Variants in TG observed in about 807,000 individuals in gnomAD.
TG encodes thyroid hormones.
In TG, 270 loss-of-function variants were observed where a neutral mutation model predicts 324.7. The observed-to-expected ratio is 0.83, with a 90% CI of 0.75 to 0.92. TG has a LOEUF of 0.92. Among genes scored for constraint, TG ranks in the 40% least tolerant of loss-of-function variants. TG has a pLI of 0.00. For missense variants in TG, 3,591 were observed against 3,456.4 expected, an observed-to-expected ratio of 1.04 and a Z score of -0.98; for synonymous variants, 1,401 against 1,327.0, an observed-to-expected ratio of 1.06 and a Z score of -1.21.
intron 34 of TG, among the ~76,000 whole-genome samples, chr8:132,973,502 G>C (rs1271859369): frequency 2.7e-5 from 4 of 148,602 alleles, no homozygotes; most frequent in Admixed American, 6.6e-5. Flanking sequence ...AAGAGCTCCT[G>C]GACTCAGATA....
At chr8:133,032,607 A>G (rs1259063756) in intron 41 of TG, among the ~76,000 whole-genome samples, 2 of 152,232 alleles carry the variant, frequency 1.3e-5, no homozygotes. Context: ...TGCATGTGAA[A>G]TTATTTGGAA....
At chr8:132,946,156 C>T (rs1312296226) in intron 26 of TG, among the ~76,000 whole-genome samples, 3 of 151,846 alleles carry the variant, frequency 2.0e-5, no homozygotes, top group African/African-American at 7.3e-5. Flanking sequence ...AATGTATTTT[C>T]TGAAGATACC....
intron 4 of TG, 21 bp from the exon 5 acceptor site, chr8:132,873,041 T>C (rs1839646238): frequency 6.2e-7 from 1 of 1,613,936 alleles, no homozygotes; most frequent in South Asian, 1.1e-5. Context: ...ATAAGGATTT[T>C]TTTTTCGTGA....
intron 41 of TG, chr8:133,075,145 G>A (rs74564551): frequency 1.0e-6 from 1 of 984,874 alleles, no homozygotes; most frequent in Non-Finnish European, 1.2e-6. Flanking sequence ...GAAGATAGAT[G>A]GGTTATTAAT....
intron 44 of TG, among the ~76,000 whole-genome samples, chr8:133,114,786 A>G (rs543806132): frequency 3.3e-5 from 5 of 152,112 alleles, no homozygotes; most frequent in Admixed American, 1.3e-4. Context: ...CCTTTGGTAA[A>G]CTGGAGCCTG....
At chr8:132,989,545 C>T (rs563711830) in intron 35 of TG, among the ~76,000 whole-genome samples, 1 of 152,260 alleles carries the variant, frequency 6.6e-6, no homozygotes, top group East Asian at 1.9e-4. Flanking sequence ...CTTTCCAGCA[C>T]CTCTCTCCTG....
In TG at chr8:132,904,061, T is replaced by C. The variant is rs117525237; in HGVS notation, c.3634+2508T>C. 2.0e-5 allele frequency among the ~76,000 whole-genome samples: 3 copies of C among 152,328 alleles called. No homozygotes were observed. The East Asian group carries it at 5.8e-4, about 29-fold the overall frequency. On this transcript the variant is annotated intron_variant, in intron 16 of 47. Coordinates refer to ENST00000220616, the MANE Select transcript of TG (RefSeq NM_003235.5). The stretch of plus-strand genomic sequence containing the variant: ...GCAAAATCCTGCCTCCAGTGGGCAT[T>C]AGCCTGGTAGCTCAGAGCACAACAC...
At chr8:133,125,383 TAAG>T (rs777022882) in intron 45 of TG, among the ~76,000 whole-genome samples, 4 of 151,990 alleles carry the variant, frequency 2.6e-5, no homozygotes, top group Non-Finnish European at 4.4e-5. Flanking sequence ...AACCAAGAAA[TAAG>T]AAGATGTGTG....
At chr8:132,928,993 C>A in intron 22 of TG, 83 bp from the exon 23 acceptor site, 1 of 1,143,524 alleles carries the variant, frequency 8.7e-7, no homozygotes, top group Non-Finnish European at 1.3e-6. Flanking sequence ...GTATTGACTG[C>A]TTGACCTAAC....
intron 36 of TG, among the ~76,000 whole-genome samples, chr8:133,012,962 T>TGGCAA (rs1258932876): frequency 6.6e-6 from 1 of 152,160 alleles, no homozygotes; most frequent in East Asian, 1.9e-4. Flanking sequence ...GGTGGAACAC[T>TGGCAA]GGGTATGGTG....
chr8:133,106,481 G>A, intron 43 of TG: 1 of 985,164 alleles, frequency 1.0e-6, no homozygotes, highest in Non-Finnish European at 1.2e-6. Flanking sequence ...CAAAAGGTAG[G>A]GTGAGGCTCT....
At chr8:132,873,310 G>C (rs192525906) in intron 5 of TG, 89 bp downstream of exon 5, 1 of 1,488,166 alleles carries the variant, frequency 6.7e-7, no homozygotes. Context: ...TGTGTCATAT[G>C]TGCAGCATGA....
At chr8:132,942,200 G>A (rs1012478973) in intron 26 of TG, among the ~76,000 whole-genome samples, 5 of 152,194 alleles carry the variant, frequency 3.3e-5, no homozygotes, top group Non-Finnish European at 1.5e-5. Context: ...CTGGCTGTGC[G>A]ATCTTGGACA....
intron 26 of TG, among the ~76,000 whole-genome samples, chr8:132,948,188 A>C (rs200105052): frequency 3.7e-5 from 5 of 135,074 alleles, no homozygotes; most frequent in South Asian, 2.4e-4. Flanking sequence ...GTCCCCCCCC[A>C]AAAAAAGTTT....
intron 11 of TG, among the ~76,000 whole-genome samples, chr8:132,897,105 A>G: frequency 6.6e-6 from 1 of 152,212 alleles, no homozygotes; most frequent in East Asian, 1.9e-4. Context: ...GGAGTTTGGT[A>G]GGGAAACCTA....
At chr8:132,932,030 G>T (rs1372684653) in intron 23 of TG, among the ~76,000 whole-genome samples, 1 of 152,174 alleles carries the variant, frequency 6.6e-6, no homozygotes, top group Non-Finnish European at 1.5e-5. Context: ...GGAGGCAGAG[G>T]TTGCAGTGAG....
intron 35 of TG, among the ~76,000 whole-genome samples, chr8:132,987,855 C>A (rs1037815351): frequency 6.6e-6 from 1 of 152,070 alleles, no homozygotes; most frequent in African/African-American, 2.4e-5. Context: ...TAAACTGGTG[C>A]CTTCAAACCA....
chr8:133,046,706 C>A (rs2703000), intron 41 of TG: 2 of 152,006 alleles, frequency 1.3e-5, no homozygotes, highest in African/African-American at 4.8e-5. Context: ...ATCCTGCCTC[C>A]GGGGACCTCT....
At chr8:133,080,308 A>C (rs4736627) in intron 41 of TG, among the ~76,000 whole-genome samples, 30,861 of 152,040 alleles carry the variant, frequency 0.2, 3,537 homozygotes, top group Non-Finnish European at 0.26. Flanking sequence ...CTTTCCACTC[A>C]CTCTATGTAT....
Sources: gnomAD v4.1 joint callset for allele counts (sites outside exome capture counted in the v4.1 genomes callset) on GRCh38, gnomAD v4.1.1 for gene constraint, MANE v1.5 for transcripts, NCBI Gene and HGNC (gene_info 2026-07-23, HGNC 2026-07-21) for gene names.